Variants in DNAJB13 observed in about 807,000 individuals in gnomAD.
DNAJB13 encodes the protein dnaJ homolog subfamily B member 13.
Under a neutral mutation model 35.6 loss-of-function variants are expected in DNAJB13, and 22 were observed. The observed-to-expected ratio is 0.62, with a 90% confidence interval of 0.44 to 0.88. The LOEUF (loss-of-function observed/expected upper bound fraction) is 0.88. Ranked by LOEUF, DNAJB13 falls within the 40% of genes least tolerant of loss-of-function variation. The pLI is 0.00. For synonymous variants in DNAJB13, 136 were observed against 144.2 expected (o/e 0.94, Z 0.41); for missense variants, 370 against 384.3 (o/e 0.96, Z 0.31).
rs371177631 is a variant in DNAJB13 at position 73,954,629 on chromosome 11, CAA to C, written c.68+3503_68+3504del. Among the ~76,000 whole-genome samples the C allele has an allele frequency of 1.3e-3, 145 of 111,672 alleles. 1 individual carries two copies. In the East Asian group the frequency reaches 0.017, roughly 13 times the overall value. The allele number at this position is 111,672 out of a possible 152,430, so 73.3% of individuals were successfully genotyped here. A position where few individuals can be genotyped will look rare whatever the true frequency, so the allele number is the denominator to read the frequency against. On this transcript the variant is annotated intron_variant, in intron 1 of 7. Coordinates refer to ENST00000339764, the MANE Select transcript of DNAJB13 (RefSeq NM_153614.4). Reference sequence around the variant, plus strand: ...TGGGCAACAGAGTGAGACTCCGTCTCAAAAAAAAAAAATAAAATAAATAAATA... The same window carrying C: ...TGGGCAACAGAGTGAGACTCCGTCTCAAAAAAAAAATAAAATAAATAAATA...
intron 3 of DNAJB13, among the ~76,000 whole-genome samples, chr11:73,960,269 C>T (rs569200624): frequency 1.7e-4 from 26 of 152,168 alleles, no homozygotes; most frequent in Non-Finnish European, 2.8e-4. Flanking sequence ...CCTCCGCCTC[C>T]GGGGTTCAAG....
rs77430927 is a variant in DNAJB13, at chr11:73,964,814, C to T, written c.335-64C>T. On this transcript the variant is annotated intron_variant, in intron 3 of 7. Coordinates refer to ENST00000339764, the MANE Select transcript of DNAJB13 (RefSeq NM_153614.4). ...GTGTGTGTGTGTGTGTGTGTGTGTG[C>T]GCGCGCGCGCATGTCTGGGTCTCTG... 9.3e-3 allele frequency: 10,061 copies of T among 1,085,934 alleles called. 390 individuals carry two copies. Among genetic ancestry groups the T allele is most frequent in the African/African-American group, 0.041 (1,878 of 46,350 alleles). 67.3% of individuals were successfully genotyped at this position (1,085,934 alleles called of 1,614,324 possible).
rs3222042 is a variant in DNAJB13 at position 73,964,765 on chromosome 11, CTGTGTGTG to C, written c.335-72_335-65del. 28,142 of 656,136 alleles carry C rather than the reference CTGTGTGTG, an allele frequency of 0.043. 354 individuals carry two copies. The highest frequency in any genetic ancestry group is 0.046 in the Non-Finnish European group (18,439 of 404,188). 40.6% of individuals were successfully genotyped at this position (656,136 alleles called of 1,614,324 possible). ...TGGGGAGCATATCTGGATAGGGAGG[CTGTGTGTG>C]TGTGTGTGTGTGTGTGTGTGTGTGT... On this transcript the variant is annotated intron_variant, in intron 3 of 7. Coordinates refer to ENST00000339764, the MANE Select transcript of DNAJB13 (RefSeq NM_153614.4).
intron 1 of DNAJB13, among the ~76,000 whole-genome samples, chr11:73,957,516 C>T (rs1950784766): frequency 6.6e-6 from 1 of 152,210 alleles, no homozygotes. Context: ...GCGATGTCTG[C>T]CCTTCAGAAA....
intron 3 of DNAJB13, among the ~76,000 whole-genome samples, chr11:73,960,739 G>C (rs1012323417): frequency 6.6e-6 from 1 of 152,056 alleles, no homozygotes; most frequent in African/African-American, 2.4e-5. Flanking sequence ...TTTTACAGAA[G>C]CCTTTTATTA....
At chr11:73,965,959 G>C (rs1289581264) in intron 4 of DNAJB13, 179 bp from the exon 5 acceptor site, 2 of 614,068 alleles carry the variant, frequency 3.3e-6, no homozygotes, top group Non-Finnish European at 2.9e-6. Context: ...CTCAGGGCAG[G>C]CTCTCCCCAT....
chr11:73,970,055 T>G lies in DNAJB13; in HGVS notation c.892T>G (p.Phe298Val), dbSNP rs1240747085. 1.2e-6 allele frequency: 2 copies of G among 1,610,926 alleles called. No individual in the cohort carries two copies. The highest frequency in any genetic ancestry group is 1.7e-6 in the Non-Finnish European group (2 of 1,178,558). The change falls in exon 8 of 8, where the codon TTC becomes GTC. Residue 298 changes from phenylalanine to valine, a missense_variant. Transcript: ENST00000339764. ...GDLFIFFDIQFPTRLTPQKKQ... is the reference protein window; with the variant it reads ...GDLFIFFDIQVPTRLTPQKKQ... ...TCTCTTCATCTTCTTCGACATCCAG[T>G]TCCCCACCCGCCTCACACCCCAGAA...
rs933826878 is a variant in DNAJB13, at chr11:73,964,800, T to C, written c.335-78T>C. On this transcript the variant is annotated intron_variant, in intron 3 of 7. Coordinates refer to ENST00000339764, the MANE Select transcript of DNAJB13 (RefSeq NM_153614.4). ...GTGTGTGTGTGTGTGTGTGTGTGTG[T>C]GTGTGTGTGTGTGCGCGCGCGCGCA... 201 of 1,021,934 alleles carry C rather than the reference T, an allele frequency of 2.0e-4. No homozygotes were observed. In the East Asian group the frequency reaches 2.1e-3, roughly 11 times the overall value. The allele number at this position is 1,021,934 out of a possible 1,614,324, so 63.3% of individuals were successfully genotyped here.
At chr11:73,965,960 C>A in intron 4 of DNAJB13, 178 bp from the exon 5 acceptor site, 1 of 616,808 alleles carries the variant, frequency 1.6e-6, no homozygotes. Context: ...TCAGGGCAGG[C>A]TCTCCCCATT....
Position 73,970,094 on chromosome 11 carries a change from C to A in DNAJB13, c.931C>A (p.Arg311Ser). Residue 311 changes from arginine to serine, a missense_variant, in exon 8 of 8, where the codon CGC becomes AGC. Arg to Ser is a moderately radical substitution (Grantham distance 110). Transcript: ENST00000339764. The stretch of plus-strand genomic sequence containing the variant: ...CACACCCCAGAAGAAGCAGATGCTG[C>A]GCCAGGCATTGCTGACATGACTGTG... ...RLTPQKKQML[R>S]QALLT is the part of the protein sequence containing the mutation. The A allele has an allele frequency of 1.0e-5, 16 of 1,606,570 alleles. No homozygotes were observed. Among genetic ancestry groups the A allele is most frequent in the Non-Finnish European group, 1.3e-5 (15 of 1,176,164 alleles).
Position 73,964,875 on chromosome 11 carries a change from C to A in DNAJB13, c.335-3C>A. On this transcript the variant is annotated splice_polypyrimidine_tract_variant and splice_region_variant and intron_variant, in intron 3 of 7. Transcript: ENST00000339764. ...CTCTTACTCCTCTCCCTACCTCCTG[C>A]AGAGTTTTTTGATGCAGAAGGAAGT... 3.7e-6 allele frequency: 6 copies of A among 1,612,532 alleles called. No individual in the cohort carries two copies. Among genetic ancestry groups the A allele is most frequent in the Non-Finnish European group, 5.1e-6 (6 of 1,179,694 alleles).
intron 2 of DNAJB13, 67 bp downstream of exon 2, chr11:73,958,487 G>T: frequency 7.1e-7 from 1 of 1,411,866 alleles, no homozygotes; most frequent in Non-Finnish European, 9.9e-7. Context: ...AGACTGTTGG[G>T]TTTTCTGAGG....
chr11:73,957,641 TAGC>T (rs1364407230), intron 1 of DNAJB13, among the ~76,000 whole-genome samples: 2 of 151,790 alleles, frequency 1.3e-5, no homozygotes, highest in African/African-American at 4.8e-5. Flanking sequence ...TTCAGGCAAA[TAGC>T]AGAGGACTGG....
At chr11:73,959,296 G>T (rs1198683357) in intron 2 of DNAJB13, among the ~76,000 whole-genome samples, 198 bp from the exon 3 acceptor site, 1 of 152,112 alleles carries the variant, frequency 6.6e-6, no homozygotes, top group Non-Finnish European at 1.5e-5. Flanking sequence ...GGCTACAGGA[G>T]CCATACCTAG....
chr11:73,969,807 T>C (rs1392264168), intron 7 of DNAJB13, among the ~76,000 whole-genome samples, 154 bp from the exon 8 acceptor site: 1 of 152,208 alleles, frequency 6.6e-6, no homozygotes, highest in Non-Finnish European at 1.5e-5. Flanking sequence ...AGGGAGCTCC[T>C]TTCCCAACCA....
intron 1 of DNAJB13, 54 bp downstream of exon 1, chr11:73,951,191 T>A (rs1950578044): frequency 6.3e-7 from 1 of 1,597,848 alleles, no homozygotes; most frequent in South Asian, 1.1e-5. Flanking sequence ...GGCCCTGCCC[T>A]CTTCTCTTCC....
chr11:73,969,099 G>A, intron 6 of DNAJB13, 147 bp from the exon 7 acceptor site: 1 of 502,168 alleles, frequency 2.0e-6, no homozygotes, highest in East Asian at 3.4e-5. Context: ...AAATTGCATG[G>A]GTCATTCACC....
intron 1 of DNAJB13, among the ~76,000 whole-genome samples, chr11:73,951,692 G>A (rs767039824): frequency 1.1e-4 from 16 of 152,194 alleles, no homozygotes; most frequent in Non-Finnish European, 1.9e-4. Context: ...TGTTGCCCAG[G>A]CTGGAGTGCA....
At chr11:73,967,095 C>T (rs1166680215) in intron 5 of DNAJB13, among the ~76,000 whole-genome samples, 1 of 152,084 alleles carries the variant, frequency 6.6e-6, no homozygotes. Context: ...TCAGGTGATC[C>T]ACCTGTCTCG....
Sources: allele counts gnomAD v4.1 joint callset (sites outside exome capture counted in the v4.1 genomes callset), GRCh38; gene constraint gnomAD v4.1.1; transcripts MANE v1.5; gene names NCBI Gene and HGNC (gene_info 2026-07-23, HGNC 2026-07-21).